The following MBD5 variants were observed in gnomAD, a reference collection of about 807,000 sequenced individuals.
The protein encoded by MBD5 is methyl-CpG binding domain protein 5, also known as methyl-CpG-binding domain protein 5.
In MBD5, 13 loss-of-function variants were observed where a neutral mutation model predicts 117.3. The ratio of observed to expected loss-of-function variants is 0.11; its 90% CI spans 0.07 to 0.18. MBD5 has a LOEUF of 0.18. Among genes scored for constraint, MBD5 ranks in the 10% least tolerant of loss-of-function variants. The pLI is 1.00. For synonymous variants in MBD5, 727 were observed against 766.4 expected (o/e 0.95, Z 0.85); for missense variants, 1,879 against 2,093.8 (o/e 0.90, Z 2.00).
intron 1 of MBD5, among the ~76,000 whole-genome samples, chr2:148,112,310 C>T (rs1401599198): frequency 6.6e-6 from 1 of 152,134 alleles, no homozygotes; most frequent in Non-Finnish European, 1.5e-5. Context: ...TCCTATTTCC[C>T]AAGGAATCTC....
rs962301510 is a variant in MBD5 at position 148,204,088 on chromosome 2, G to A, written c.-831+25295G>A. Among the ~76,000 whole-genome samples, 75 of 151,960 alleles carry A rather than the reference G, an allele frequency of 4.9e-4. 1 individual carries two copies. The highest frequency in any genetic ancestry group is 1.4e-3 in the East Asian group (7 of 5,172). On this transcript the variant is annotated intron_variant, in intron 2 of 13. Coordinates refer to ENST00000642680, the MANE Select transcript of MBD5 (RefSeq NM_001378120.1). ...GGAAAGAATGGGAGAAAAGAGAAGA[G>A]AAAAAATGAATAAAGCAATCACCTT...
chr2:148,065,524 T>C (rs1695164569), intron 1 of MBD5, among the ~76,000 whole-genome samples: 1 of 152,184 alleles, frequency 6.6e-6, no homozygotes, highest in South Asian at 2.1e-4. Flanking sequence ...GGCAGTATTA[T>C]GAGCATTTGA....
At chr2:148,249,448 C>T (rs973106383) in intron 3 of MBD5, among the ~76,000 whole-genome samples, 24 of 152,124 alleles carry the variant, frequency 1.6e-4, no homozygotes, top group African/African-American at 5.6e-4. Flanking sequence ...AAATTTAAAT[C>T]AGCATACTGA....
chr2:148,403,337 A>G (rs1452819395), intron 4 of MBD5, among the ~76,000 whole-genome samples: 3 of 151,754 alleles, frequency 2.0e-5, no homozygotes, highest in Non-Finnish European at 4.4e-5. Flanking sequence ...GCACCACCAC[A>G]CTCAGCTAAT....
intron 4 of MBD5, among the ~76,000 whole-genome samples, chr2:148,398,727 C>G (rs1704818447): frequency 1.3e-5 from 2 of 152,170 alleles, no homozygotes; most frequent in African/African-American, 4.8e-5. Context: ...AGTCCTTGCC[C>G]ATGTCTATGT....
In MBD5 at chr2:148,399,207, G is replaced by A. The variant is rs536210461; in HGVS notation, c.-557+56871G>A. ...CCATGAAGAAAGTCATTGGTAGCTTGATGGGGATGGCGTTGAATCTATAAA... is the reference window on the plus strand; with the variant it reads ...CCATGAAGAAAGTCATTGGTAGCTTAATGGGGATGGCGTTGAATCTATAAA... On this transcript the variant is annotated intron_variant, in intron 4 of 13. Transcript: ENST00000642680. 1.2e-4 allele frequency among the ~76,000 whole-genome samples: 19 copies of A among 152,312 alleles called. No homozygotes were observed. In the South Asian group the frequency reaches 3.9e-3, roughly 32 times the overall value.
intron 4 of MBD5, among the ~76,000 whole-genome samples, chr2:148,383,898 C>A (rs1258324159): frequency 2.0e-5 from 3 of 152,094 alleles, no homozygotes; most frequent in African/African-American, 7.2e-5. Context: ...AGGCCTTTGA[C>A]AAAATTCAAC....
At chr2:148,327,363 C>T (rs899803039) in intron 3 of MBD5, among the ~76,000 whole-genome samples, 1 of 152,012 alleles carries the variant, frequency 6.6e-6, no homozygotes, top group Non-Finnish European at 1.5e-5. Flanking sequence ...CTCTGTATTT[C>T]CTGAATCTGA....
intron 11 of MBD5, 49 bp downstream of exon 11, chr2:148,490,643 C>G: frequency 1.9e-6 from 3 of 1,605,210 alleles, no homozygotes; most frequent in Non-Finnish European, 2.6e-6. Context: ...GTTCAGATAT[C>G]AATTATTGCT....
At chr2:148,316,928 G>A (rs918618223) in intron 3 of MBD5, among the ~76,000 whole-genome samples, 2 of 152,120 alleles carry the variant, frequency 1.3e-5, no homozygotes, top group African/African-American at 2.4e-5. Flanking sequence ...TTGTTTTGAG[G>A]TTTTAAAAGC....
rs150604974 is a variant in MBD5, at chr2:148,381,265, G to T, written c.-557+38929G>T. 9.8e-3 allele frequency among the ~76,000 whole-genome samples: 1,486 copies of T among 152,314 alleles called. 26 individuals are homozygous for T. Among genetic ancestry groups the T allele is most frequent in the Middle Eastern group, 0.031 (9 of 294 alleles). ...TAACTAGAATAACCGATGCAGAGAA[G>T]TCCTTAAAGGAACTAATGGAGCTGA... is the stretch of plus-strand genomic sequence containing the variant. On this transcript the variant is annotated intron_variant, in intron 4 of 13. Transcript: ENST00000642680.
intron 4 of MBD5, among the ~76,000 whole-genome samples, chr2:148,351,197 G>A (rs964903644): frequency 1.7e-4 from 26 of 151,822 alleles, no homozygotes; most frequent in East Asian, 7.7e-4. Flanking sequence ...TGCACCCATC[G>A]TCACAGTTAA....
intron 1 of MBD5, among the ~76,000 whole-genome samples, chr2:148,034,834 A>G (rs779678946): frequency 2.0e-5 from 3 of 152,124 alleles, no homozygotes; most frequent in Non-Finnish European, 4.4e-5. Context: ...ATGTTTTTAC[A>G]CTCTTCTAAT....
chr2:148,458,711 A>G lies in MBD5; in HGVS notation c.-48A>G. 6.7e-7 allele frequency: 1 copy of G among 1,494,618 alleles called. No individual in the cohort carries two copies. Among genetic ancestry groups the G allele is most frequent in the Non-Finnish European group, 9.3e-7 (1 of 1,071,334 alleles). 92.6% of individuals were successfully genotyped at this position (1,494,618 alleles called of 1,614,324 possible). A position where few individuals can be genotyped will look rare whatever the true frequency, so the allele number is the denominator to read the frequency against. ...CCATCATGCTCTGTAATATAAGGATATCATCTTATTGCTGATATCTTTGGA... is the reference window on the plus strand; with the variant it reads ...CCATCATGCTCTGTAATATAAGGATGTCATCTTATTGCTGATATCTTTGGA... On this transcript the variant is annotated 5_prime_UTR_variant, in exon 5 of 14. It adds an upstream start codon to the 5' untranslated region. Transcript: ENST00000642680.
At chr2:148,369,055 G>A (rs1703781840) in intron 4 of MBD5, among the ~76,000 whole-genome samples, 1 of 152,042 alleles carries the variant, frequency 6.6e-6, no homozygotes, top group South Asian at 2.1e-4. Flanking sequence ...CATCGCCTCT[G>A]TAATATTCCC....
intron 4 of MBD5, among the ~76,000 whole-genome samples, chr2:148,441,514 A>T (rs1706322628): frequency 6.6e-6 from 1 of 152,190 alleles, no homozygotes; most frequent in Non-Finnish European, 1.5e-5. Flanking sequence ...ATTGTTGGAC[A>T]TTTGGGTTTG....
At chr2:148,232,258 T>C (rs1700005703) in intron 2 of MBD5, among the ~76,000 whole-genome samples, 1 of 152,204 alleles carries the variant, frequency 6.6e-6, no homozygotes. Context: ...GCCTTAGATG[T>C]TATGGAAAGT....
chr2:148,338,088 C>A (rs910829860), intron 3 of MBD5, among the ~76,000 whole-genome samples: 1 of 152,112 alleles, frequency 6.6e-6, no homozygotes, highest in Admixed American at 6.6e-5. Flanking sequence ...CTGTTACTTA[C>A]AAGAATTTTT....
intron 11 of MBD5, among the ~76,000 whole-genome samples, chr2:148,500,539 G>C (rs1474475246): frequency 6.6e-6 from 1 of 151,966 alleles, no homozygotes; most frequent in Non-Finnish European, 1.5e-5. Context: ...CTGTCCCTTA[G>C]TCCATAATTA....
Sources: allele counts gnomAD v4.1 joint callset (sites outside exome capture counted in the v4.1 genomes callset), GRCh38; gene constraint gnomAD v4.1.1; transcripts MANE v1.5; gene names NCBI Gene and HGNC (gene_info 2026-07-23, HGNC 2026-07-21).